The following SLIT2 variants were observed in gnomAD, a reference collection of about 807,000 sequenced individuals.
SLIT2 encodes slit guidance ligand 2.
In SLIT2, 41 loss-of-function variants were observed where a neutral mutation model predicts 185.7. The ratio of observed to expected loss-of-function variants is 0.22; its 90% CI spans 0.17 to 0.29. The LOEUF (loss-of-function observed/expected upper bound fraction) is 0.29, where lower values mean the gene tolerates loss of function less well. SLIT2 is among the 10% of genes least tolerant of loss of function. The probability of loss-of-function intolerance (pLI) is 1.00; values close to 1 mark genes in which losing one functional copy is unlikely to be tolerated. For missense variants in SLIT2, 1,571 were observed against 1,909.0 expected (o/e 0.82, Z 3.30); for synonymous variants, 693 against 680.2 (o/e 1.02, Z -0.29).
In SLIT2 at chr4:20,598,261, C is replaced by T. The variant is rs1231215039; in HGVS notation, c.3562-4C>T. The T allele has an allele frequency of 4.3e-6, 7 of 1,613,744 alleles. No homozygotes were observed. The highest frequency in any genetic ancestry group is 5.9e-6 in the Non-Finnish European group (7 of 1,179,798). On this transcript the variant is annotated splice_region_variant and splice_polypyrimidine_tract_variant and intron_variant, in intron 32 of 36. Coordinates refer to ENST00000504154, the MANE Select transcript of SLIT2 (RefSeq NM_004787.4). ...CTAGTAATGCCAGGGTTACTTTCTA[C>T]TAGATTGCCACAGATGAAGACAGCG...
chr4:20,472,232 ATAGATC>A lies in SLIT2; in HGVS notation c.467+4412_467+4417del, dbSNP rs1162060675. ...AATGTGTGTGTGTGTGTATATATAT[ATAGATC>A]TATATATCTATATATAGATCTATAT... On this transcript the variant is annotated intron_variant, in intron 5 of 36. Transcript: ENST00000504154. Among the ~76,000 whole-genome samples, 8 of 103,360 alleles carry A rather than the reference ATAGATC, an allele frequency of 7.7e-5. No individual in the cohort carries two copies. In the East Asian group the frequency reaches 8.7e-4, roughly 11 times the overall value. 67.8% of individuals were successfully genotyped at this position (103,360 alleles called of 152,430 possible).
rs533947434 is a variant in SLIT2 at position 20,454,826 on chromosome 4, G to A, written c.396-12926G>A. The stretch of plus-strand genomic sequence containing the variant: ...TGGGATACTCAACTGGAAACCATAC[G>A]TCGTGGGCAATAAAATAGCAGCATT... On this transcript the variant is annotated intron_variant, in intron 4 of 36. Transcript: ENST00000504154. 9.9e-5 allele frequency among the ~76,000 whole-genome samples: 15 copies of A among 152,118 alleles called. No homozygotes were observed. The South Asian group carries it at 1.0e-3, about 11-fold the overall frequency.
At chr4:20,523,395 AGAGTGTCCTGAGG>A (rs146685970) in intron 12 of SLIT2, among the ~76,000 whole-genome samples, 21,784 of 152,214 alleles carry the variant, frequency 0.14, 1,634 homozygotes, top group East Asian at 0.23. Context: ...ACTTTTGCAC[AGAGTGTCCTGAGG>A]GATTAATGAT....
At chr4:20,312,790 A>AGG (rs1718240432) in intron 4 of SLIT2, among the ~76,000 whole-genome samples, 1 of 150,226 alleles carries the variant, frequency 6.7e-6, no homozygotes, top group African/African-American at 2.5e-5. Context: ...AAAAAAAAAA[A>AGG]AAAGAAAGAA....
intron 4 of SLIT2, among the ~76,000 whole-genome samples, chr4:20,401,288 T>C (rs1227941937): frequency 6.6e-6 from 1 of 151,926 alleles, no homozygotes; most frequent in Non-Finnish European, 1.5e-5. Flanking sequence ...AGAACTATAA[T>C]TAATCATGTT....
intron 4 of SLIT2, among the ~76,000 whole-genome samples, chr4:20,320,934 C>T (rs1719025230): frequency 6.6e-6 from 1 of 152,106 alleles, no homozygotes; most frequent in South Asian, 2.1e-4. Flanking sequence ...GAGGTTGAGG[C>T]AAGCAGATCA....
chr4:20,326,746 CTTTTTTTTTTTT>C (rs59509608), intron 4 of SLIT2, among the ~76,000 whole-genome samples: 5 of 54,726 alleles, frequency 9.1e-5, no homozygotes, highest in Non-Finnish European at 1.6e-4. Context: ...ATTCTGAAAC[CTTTTTTTTTTTT>C]TTTTTTTTTT....
intron 35 of SLIT2, 70 bp downstream of exon 35, chr4:20,617,268 AAAG>A (rs1321792621): frequency 1.1e-5 from 16 of 1,459,232 alleles, no homozygotes; most frequent in East Asian, 9.2e-5. Context: ...GGAAGGAAGG[AAAG>A]AAGAAGGGGA....
intron 4 of SLIT2, among the ~76,000 whole-genome samples, chr4:20,277,697 CATT>C (rs973854437): frequency 1.3e-5 from 2 of 148,178 alleles, no homozygotes; most frequent in African/African-American, 4.9e-5. Context: ...TATTTTTAAT[CATT>C]AATTTGGATA....
intron 5 of SLIT2, among the ~76,000 whole-genome samples, chr4:20,472,534 ATATATCTATATC>A (rs1214764273): frequency 4.1e-5 from 1 of 24,264 alleles, no homozygotes; most frequent in Non-Finnish European, 6.3e-5. Flanking sequence ...CTATATATAG[ATATATCTATATC>A]TATATATAGA....
At chr4:20,453,747 A>G (rs541687843) in intron 4 of SLIT2, among the ~76,000 whole-genome samples, 7 of 152,356 alleles carry the variant, frequency 4.6e-5, no homozygotes, top group South Asian at 2.1e-4. Context: ...AGTATTGCAC[A>G]CAGGCTTGGC....
At chr4:20,428,302 A>G (rs1287790819) in intron 4 of SLIT2, among the ~76,000 whole-genome samples, 1 of 152,244 alleles carries the variant, frequency 6.6e-6, no homozygotes, top group African/African-American at 2.4e-5. Context: ...CCTGCCACTC[A>G]GGGCGAGATG....
chr4:20,479,018 T>A (rs1357297697), intron 5 of SLIT2, among the ~76,000 whole-genome samples: 1 of 152,206 alleles, frequency 6.6e-6, no homozygotes, highest in African/African-American at 2.4e-5. Flanking sequence ...TTATTTAGGC[T>A]ATTATAATAG....
At chr4:20,401,806 T>C (rs1345127480) in intron 4 of SLIT2, among the ~76,000 whole-genome samples, 2 of 151,910 alleles carry the variant, frequency 1.3e-5, no homozygotes, top group African/African-American at 2.4e-5. Flanking sequence ...GTAGTGAACA[T>C]TGAACAAGTT....
At chr4:20,259,300 A>G (rs75043974) in intron 3 of SLIT2, among the ~76,000 whole-genome samples, 2 of 151,814 alleles carry the variant, frequency 1.3e-5, no homozygotes, top group East Asian at 3.9e-4. Flanking sequence ...AATTCCTAGT[A>G]AGTAACTTGC....
chr4:20,480,498 C>G (rs1716589008), intron 5 of SLIT2, among the ~76,000 whole-genome samples: 1 of 152,060 alleles, frequency 6.6e-6, no homozygotes, highest in South Asian at 2.1e-4. Context: ...TGGAGCTTTC[C>G]AAGGGCTGCT....
intron 9 of SLIT2, among the ~76,000 whole-genome samples, chr4:20,506,850 A>G (rs760820412): frequency 5.3e-5 from 8 of 152,026 alleles, no homozygotes; most frequent in Non-Finnish European, 1.0e-4. Flanking sequence ...TGAAGGATGC[A>G]ATTACGTTTT....
chr4:20,539,385 C>A (rs3842004), intron 18 of SLIT2, 56 bp from the exon 19 acceptor site: 459,254 of 1,535,760 alleles, frequency 0.3, 70,291 homozygotes, highest in Middle Eastern at 0.39. Context: ...CTCAGATAGG[C>A]AAAATTGATT....
intron 9 of SLIT2, among the ~76,000 whole-genome samples, chr4:20,508,024 A>G (rs190764481): frequency 2.6e-5 from 4 of 152,190 alleles, no homozygotes; most frequent in African/African-American, 7.2e-5. Context: ...ATTCTAATCA[A>G]TAAAGTAACA....
Sources: gnomAD v4.1 joint callset for allele counts (sites outside exome capture counted in the v4.1 genomes callset) on GRCh38, gnomAD v4.1.1 for gene constraint, MANE v1.5 for transcripts, NCBI Gene and HGNC (gene_info 2026-07-23, HGNC 2026-07-21) for gene names.